Variants in KCNJ6 observed in about 807,000 individuals in gnomAD.
KCNJ6 encodes the protein G protein-activated inward rectifier potassium channel 2.
A neutral mutation model predicts 34.2 loss-of-function variants in KCNJ6; 9 were observed. The ratio of observed to expected loss-of-function variants is 0.26; its 90% CI spans 0.16 to 0.46. The LOEUF is 0.46. Ranked by LOEUF, KCNJ6 falls within the 20% of genes least tolerant of loss-of-function variation. KCNJ6 has a pLI of 1.00. For missense variants in KCNJ6, 236 were observed against 531.3 expected (o/e 0.44, Z 5.46); for synonymous variants, 196 against 207.1 (o/e 0.95, Z 0.46).
In KCNJ6 at chr21:37,624,453, T is replaced by C. The variant is rs2054301813; in HGVS notation, c.*706A>G. ...CATCAAAACAGAAATGCCTACTGCA[T>C]GTTAGGAATCTTTCTTTCTTTCTTT... On this transcript the variant is annotated 3_prime_UTR_variant, in exon 4 of 4. Transcript: ENST00000609713. 6.6e-6 allele frequency: 1 copy of C among 152,162 alleles called. No individual in the cohort carries two copies. The allele number at this position is 152,162 out of a possible 1,614,324, so 9.4% of individuals were successfully genotyped here. A position where few individuals can be genotyped will look rare whatever the true frequency, so the allele number is the denominator to read the frequency against.
Position 37,675,734 on chromosome 21 carries a change from C to T in KCNJ6, c.946+38477G>A, listed in dbSNP as rs2054561871. On this transcript the variant is annotated intron_variant, in intron 3 of 3. Transcript: ENST00000609713. This position sits in a 1 kb window ranked among gnomAD's most constrained non-coding sequence, Gnocchi z 4.2. ...AAACCAGCAAGCAGGCTCTTATAGA[C>T]TCTTACACCAAAAGAAGAATTTGGA... Among the ~76,000 whole-genome samples the T allele has an allele frequency of 1.3e-5, 2 of 152,244 alleles. No homozygotes were observed. Among genetic ancestry groups the T allele is most frequent in the African/African-American group, 4.8e-5 (2 of 41,468 alleles).
rs1474434477 is a variant in KCNJ6 at position 37,859,506 on chromosome 21, TATATATATATATATATATATATATAA to T, written c.-27-18823_-27-18798del. Among the ~76,000 whole-genome samples the T allele has an allele frequency of 1.4e-3, 65 of 47,838 alleles. 8 individuals carry two copies. Among genetic ancestry groups the T allele is most frequent in the African/African-American group, 2.6e-3 (46 of 17,610 alleles). 31.4% of individuals were successfully genotyped at this position (47,838 alleles called of 152,430 possible). A position where few individuals can be genotyped will look rare whatever the true frequency, so the allele number is the denominator to read the frequency against. Reference sequence around the variant, plus strand: ...ATTACTTTATATATATATATATATATATATATATATATATATATATATATAAAATACTTAAAAAGCTCTACAGATGA... The same window carrying T: ...ATTACTTTATATATATATATATATATAATACTTAAAAAGCTCTACAGATGA... On this transcript the variant is annotated intron_variant, in intron 1 of 3. Transcript: ENST00000609713.
At chr21:37,719,346 G>C (rs2054811963) in intron 2 of KCNJ6, 1 of 152,232 alleles carries the variant, frequency 6.6e-6, no homozygotes, top group Non-Finnish European at 1.5e-5. Context: ...CGGAATCCCA[G>C]GTGTGAATTT....
rs192846502 is a variant in KCNJ6 at position 37,662,780 on chromosome 21, G to T, written c.947-37296C>A. ...TCCTCGCCAGCATCTGTTATTTCTT[G>T]ACTTTTTTATAATCACCATTCTGAC... On this transcript the variant is annotated intron_variant, in intron 3 of 3. Transcript: ENST00000609713. Among the ~76,000 whole-genome samples the T allele has an allele frequency of 7.0e-4, 106 of 152,168 alleles. 1 individual carries two copies. The highest frequency in any genetic ancestry group is 9.4e-4 in the Non-Finnish European group (64 of 68,018).
At chr21:37,652,231 T>C (rs1156975012) in intron 3 of KCNJ6, among the ~76,000 whole-genome samples, 2 of 152,134 alleles carry the variant, frequency 1.3e-5, no homozygotes, top group Non-Finnish European at 2.9e-5. Flanking sequence ...AAAGAAACAG[T>C]GGTCAACATC....
intron 3 of KCNJ6, among the ~76,000 whole-genome samples, chr21:37,660,404 C>T (rs545761873): frequency 2.0e-5 from 3 of 152,328 alleles, no homozygotes; most frequent in African/African-American, 7.2e-5. Flanking sequence ...CTCCCATGCT[C>T]TACCCTGAAT....
In KCNJ6 at chr21:37,614,690, A is replaced by C. The variant is rs1219774052; in HGVS notation, c.*10469T>G. The C allele has an allele frequency of 8.1e-6, 1 of 124,150 alleles. No homozygotes were observed. The highest frequency in any genetic ancestry group is 1.7e-5 in the Non-Finnish European group (1 of 58,478). 7.7% of individuals were successfully genotyped at this position (124,150 alleles called of 1,614,324 possible). A position where few individuals can be genotyped will look rare whatever the true frequency, so the allele number is the denominator to read the frequency against. ...TCTCTGTGTATGCGTGTGTGTATGC[A>C]TGTCTTGGTGTGTGTATGCATGTGC... is the stretch of plus-strand genomic sequence containing the variant. On this transcript the variant is annotated 3_prime_UTR_variant, in exon 4 of 4. Transcript: ENST00000609713.
chr21:37,891,176 C>T (rs2055760239), intron 1 of KCNJ6, among the ~76,000 whole-genome samples: 1 of 152,092 alleles, frequency 6.6e-6, no homozygotes, highest in Non-Finnish European at 1.5e-5. Flanking sequence ...CACAGGTGGG[C>T]CTCTCAGCTG....
At chr21:37,679,896 C>T (rs867604498) in intron 3 of KCNJ6, among the ~76,000 whole-genome samples, 3 of 152,318 alleles carry the variant, frequency 2.0e-5, no homozygotes, top group South Asian at 2.1e-4. Context: ...CAAACATCTT[C>T]GTTATTCATT....
At chr21:37,735,345 G>A (rs939620532) in intron 2 of KCNJ6, among the ~76,000 whole-genome samples, 13 of 152,116 alleles carry the variant, frequency 8.5e-5, no homozygotes, top group Non-Finnish European at 7.4e-5. Context: ...GACCACCCAC[G>A]GCGCTTTCAC....
intron 3 of KCNJ6, among the ~76,000 whole-genome samples, chr21:37,688,498 AATCAG>A (rs1005132457): frequency 3.9e-5 from 6 of 152,214 alleles, no homozygotes; most frequent in African/African-American, 1.4e-4. Flanking sequence ...GGTCCAGGGA[AATCAG>A]ATCAGTCAGT....
In KCNJ6 at chr21:37,607,483, T is replaced by TATATATATATATATATA. The variant is rs201127739; in HGVS notation, c.*17675_*17676insTATATATATATATATAT. 1.1e-3 allele frequency: 98 copies of TATATATATATATATATA among 92,102 alleles called. No homozygotes were observed. The highest frequency in any genetic ancestry group is 5.9e-3 in the Middle Eastern group (1 of 170). The allele number at this position is 92,102 out of a possible 1,614,324, so 5.7% of individuals were successfully genotyped here. ...TTAAAGATATATATATATATATATATTTTTTTTTTATTTTAAAAAAATTTG... is the reference window on the plus strand; with the variant it reads ...TTAAAGATATATATATATATATATATATATATATATATATATATTTTTTTTTATTTTAAAAAAATTTG... On this transcript the variant is annotated 3_prime_UTR_variant, in exon 4 of 4. Coordinates refer to ENST00000609713, the MANE Select transcript of KCNJ6 (RefSeq NM_002240.5).
intron 3 of KCNJ6, among the ~76,000 whole-genome samples, chr21:37,630,821 T>G (rs1004179684): frequency 1.3e-5 from 2 of 152,200 alleles, no homozygotes; most frequent in African/African-American, 4.8e-5. Flanking sequence ...TTTTTGGGTA[T>G]ATAATGCATT....
intron 2 of KCNJ6, among the ~76,000 whole-genome samples, chr21:37,726,474 G>A (rs11909948): frequency 0.27 from 41,714 of 152,054 alleles, 5,937 homozygotes; most frequent in East Asian, 0.5. Flanking sequence ...TTGAATGAGT[G>A]GGTGTATGTT....
chr21:37,744,758 G>T (rs2054958701), intron 2 of KCNJ6, among the ~76,000 whole-genome samples: 1 of 152,192 alleles, frequency 6.6e-6, no homozygotes, highest in African/African-American at 2.4e-5. Context: ...GTGTCATAGG[G>T]AAGGCAACAG....
intron 2 of KCNJ6, among the ~76,000 whole-genome samples, chr21:37,781,534 A>T (rs2055169357): frequency 6.6e-6 from 1 of 152,164 alleles, no homozygotes; most frequent in Admixed American, 6.5e-5. Flanking sequence ...TGATGACAAC[A>T]ATTATGAAAA....
At chr21:37,913,010 C>T (rs2055874106) in intron 1 of KCNJ6, among the ~76,000 whole-genome samples, 1 of 152,230 alleles carries the variant, frequency 6.6e-6, no homozygotes, top group East Asian at 1.9e-4. Flanking sequence ...AACCAGTTGC[C>T]AAACCTTGAC....
intron 2 of KCNJ6, among the ~76,000 whole-genome samples, chr21:37,722,572 C>T (rs935580842): frequency 6.6e-6 from 1 of 152,196 alleles, no homozygotes; most frequent in Non-Finnish European, 1.5e-5. Flanking sequence ...CAGCACGGTA[C>T]TGGTACAAAA....
chr21:37,859,232 A>C (rs2055580358), intron 1 of KCNJ6, among the ~76,000 whole-genome samples: 1 of 151,990 alleles, frequency 6.6e-6, no homozygotes, highest in Non-Finnish European at 1.5e-5. Flanking sequence ...TAAGTAAAAA[A>C]GCTATTTATA....
Sources: allele counts gnomAD v4.1 joint callset (sites outside exome capture counted in the v4.1 genomes callset), GRCh38; gene constraint gnomAD v4.1.1; non-coding constraint Gnocchi (gnomAD v3.1); transcripts MANE v1.5; gene names NCBI Gene and HGNC (gene_info 2026-07-23, HGNC 2026-07-21).